The following ZNF362 variants were observed in gnomAD, a reference collection of about 807,000 sequenced individuals.
ZNF362 encodes zinc finger protein 362, also known as rotund homolog.
In ZNF362, 11 loss-of-function variants were observed where a neutral mutation model predicts 42.9. The observed-to-expected ratio is 0.26, with a 90% CI of 0.16 to 0.42. ZNF362 has a LOEUF of 0.42. Among genes scored for constraint, ZNF362 ranks in the 20% least tolerant of loss-of-function variants. ZNF362 has a pLI of 1.00. For missense variants in ZNF362, 362 were observed against 576.2 expected (o/e 0.63, Z 3.81); for synonymous variants, 255 against 257.3 (o/e 0.99, Z 0.09).
chr1:33,224,757 A>AT, the ZNF362 span, among the ~76,000 whole-genome samples: 1 of 152,234 alleles, frequency 6.6e-6, no homozygotes, highest in Non-Finnish European at 1.5e-5. Flanking sequence ...ATGGTTGAGA[A>AT]TTTCCAAAAC....
At chr1:33,246,405 G>A in the ZNF362 span, among the ~76,000 whole-genome samples, 17 of 152,286 alleles carry the variant, frequency 1.1e-4, no homozygotes, top group Non-Finnish European at 1.8e-4. Context: ...GTGACCCGCT[G>A]GTCCCCACCA....
At chr1:33,134,074 G>T in the ZNF362 span, among the ~76,000 whole-genome samples, 17 of 152,330 alleles carry the variant, frequency 1.1e-4, no homozygotes, top group Middle Eastern at 6.8e-3. Flanking sequence ...ACCCAGATCC[G>T]CATGTTGCCA....
chr1:33,189,503 A>G, the ZNF362 span, among the ~76,000 whole-genome samples: 1 of 150,524 alleles, frequency 6.6e-6, no homozygotes, highest in South Asian at 2.1e-4. Flanking sequence ...TTGATCCCCC[A>G]TATATATATA....
chr1:33,296,807 G>A (rs1282317279), intron 8 of ZNF362, among the ~76,000 whole-genome samples: 1 of 151,858 alleles, frequency 6.6e-6, no homozygotes, highest in Admixed American at 6.6e-5. Flanking sequence ...GCTACAGGGA[G>A]GGGACTGTCA....
At chr1:33,284,229 G>A (rs1202694040) in intron 6 of ZNF362, among the ~76,000 whole-genome samples, 2 of 152,216 alleles carry the variant, frequency 1.3e-5, no homozygotes, top group African/African-American at 4.8e-5. Context: ...AGCAGGTCCA[G>A]TCCGGTTTCC....
At chr1:33,214,838 A>G in the ZNF362 span, among the ~76,000 whole-genome samples, 1 of 152,224 alleles carries the variant, frequency 6.6e-6, no homozygotes, top group Admixed American at 6.5e-5. Flanking sequence ...CTCAAAAGAC[A>G]GGCAATAACA....
rs1048240303 is a variant in ZNF362, at chr1:33,299,812, G to A, written c.*766G>A. Reference sequence around the variant, plus strand: ...CCTGAAGACCACCCCAGTCTACCTCGGTGCTGGCCAGGAAACCTTTCGGCT... The same window carrying A: ...CCTGAAGACCACCCCAGTCTACCTCAGTGCTGGCCAGGAAACCTTTCGGCT... On this transcript the variant is annotated 3_prime_UTR_variant, in exon 9 of 9. Coordinates refer to ENST00000539719, the MANE Select transcript of ZNF362 (RefSeq NM_152493.3). 3.9e-5 allele frequency: 6 copies of A among 152,766 alleles called. No homozygotes were observed. Among genetic ancestry groups the A allele is most frequent in the South Asian group, 2.1e-4 (1 of 4,840 alleles). The allele number at this position is 152,766 out of a possible 1,614,324, so 9.5% of individuals were successfully genotyped here. A position where few individuals can be genotyped will look rare whatever the true frequency, so the allele number is the denominator to read the frequency against.
the ZNF362 span, among the ~76,000 whole-genome samples, chr1:33,189,384 C>T: frequency 2.6e-5 from 4 of 151,998 alleles, no homozygotes; most frequent in South Asian, 8.3e-4. Flanking sequence ...TTCATGACAA[C>T]GTTCCATGTC....
At chr1:33,225,792 C>G in the ZNF362 span, among the ~76,000 whole-genome samples, 3 of 152,122 alleles carry the variant, frequency 2.0e-5, no homozygotes, top group Non-Finnish European at 2.9e-5. Flanking sequence ...TGTTGTCAAT[C>G]TTCAGATTTT....
Position 33,258,210 on chromosome 1 carries a change from T to C in ZNF362, c.-89+1556T>C, listed in dbSNP as rs565209943. Reference sequence around the variant, plus strand: ...CGGTTAAGTTCCTGAAGTATCTTGCTGGACAGGTCAGGGCCTGCTGGCTCC... The same window carrying C: ...CGGTTAAGTTCCTGAAGTATCTTGCCGGACAGGTCAGGGCCTGCTGGCTCC... On this transcript the variant is annotated intron_variant, in intron 1 of 8. Transcript: ENST00000539719. 3.3e-5 allele frequency among the ~76,000 whole-genome samples: 5 copies of C among 152,290 alleles called. No homozygotes were observed. The South Asian group carries it at 6.2e-4, about 19-fold the overall frequency.
intron 2 of ZNF362, among the ~76,000 whole-genome samples, chr1:33,272,599 G>C (rs1445629045): frequency 6.6e-6 from 1 of 152,166 alleles, no homozygotes; most frequent in East Asian, 1.9e-4. Flanking sequence ...CGTGCTTGAG[G>C]CCTGGCCACC....
the ZNF362 span, among the ~76,000 whole-genome samples, chr1:33,149,283 G>A: frequency 6.6e-6 from 1 of 152,182 alleles, no homozygotes; most frequent in Admixed American, 6.5e-5. Context: ...CTCTCGAGTA[G>A]TTGGGATTAT....
At chr1:33,133,867 T>G in the ZNF362 span, among the ~76,000 whole-genome samples, 1 of 152,188 alleles carries the variant, frequency 6.6e-6, no homozygotes, top group Admixed American at 6.5e-5. Context: ...GTTTGGCACT[T>G]AGAAGGTGCT....
Position 33,299,121 on chromosome 1 carries a change from C to A in ZNF362, c.*75C>A. 1 of 1,166,748 alleles carries A rather than the reference C, an allele frequency of 8.6e-7. No homozygotes were observed. Among genetic ancestry groups the A allele is most frequent in the Non-Finnish European group, 1.3e-6 (1 of 795,220 alleles). The allele number at this position is 1,166,748 out of a possible 1,614,324, so 72.3% of individuals were successfully genotyped here. A position where few individuals can be genotyped will look rare whatever the true frequency, so the allele number is the denominator to read the frequency against. On this transcript the variant is annotated 3_prime_UTR_variant, in exon 9 of 9. Coordinates refer to ENST00000539719, the MANE Select transcript of ZNF362 (RefSeq NM_152493.3). ...GGCAGCACCAGGCCCCAGCTCCCTC[C>A]GGGGGCCCTCCAGGAACCACCAAGC...
chr1:33,218,012 C>T, the ZNF362 span, among the ~76,000 whole-genome samples: 1 of 152,170 alleles, frequency 6.6e-6, no homozygotes, highest in Non-Finnish European at 1.5e-5. Flanking sequence ...AATCCAGTTA[C>T]GTCTTTATTT....
intron 4 of ZNF362, among the ~76,000 whole-genome samples, chr1:33,277,776 G>A (rs1645962461): frequency 6.6e-6 from 1 of 152,226 alleles, no homozygotes; most frequent in Non-Finnish European, 1.5e-5. Context: ...ACAGGGTTGG[G>A]GAAAGATGTG....
At chr1:33,290,414 T>C (rs1207124055) in intron 6 of ZNF362, among the ~76,000 whole-genome samples, 1 of 151,968 alleles carries the variant, frequency 6.6e-6, no homozygotes, top group Non-Finnish European at 1.5e-5. Context: ...TATGGCTGCA[T>C]AGTATTCCAT....
At chr1:33,275,437 T>C in intron 2 of ZNF362, 1 of 969,236 alleles carries the variant, frequency 1.0e-6, no homozygotes, top group South Asian at 4.8e-5. Context: ...CTCATCCACG[T>C]CGTTGTAGGT....
the ZNF362 span, among the ~76,000 whole-genome samples, chr1:33,227,457 A>T: frequency 1.1e-4 from 16 of 152,210 alleles, no homozygotes; most frequent in Admixed American, 7.9e-4. Context: ...CAAGCCATAT[A>T]TAAGCCATGA....
Sources: allele counts gnomAD v4.1 joint callset (sites outside exome capture counted in the v4.1 genomes callset), GRCh38; gene constraint gnomAD v4.1.1; transcripts MANE v1.5; gene names NCBI Gene and HGNC (gene_info 2026-07-23, HGNC 2026-07-21).